KIF6: variants seen among roughly 807,000 people sequenced by gnomAD.
KIF6 encodes kinesin family member 6, also known as kinesin-like protein KIF6.
A neutral mutation model predicts 112.7 loss-of-function variants in KIF6; 106 were observed. That is an observed-to-expected ratio of 0.94 (90% CI 0.80 to 1.11). KIF6 has a LOEUF of 1.11. Ranked by LOEUF, KIF6 falls within the 50% of genes least tolerant of loss-of-function variation. The pLI, the probability that KIF6 is intolerant of heterozygous loss-of-function variation, is 0.00. For synonymous variants in KIF6, 339 were observed against 339.9 expected, an observed-to-expected ratio of 1.00 and a Z score of 0.03; for missense variants, 929 against 964.0, an observed-to-expected ratio of 0.96 and a Z score of 0.48.
intron 13 of KIF6, among the ~76,000 whole-genome samples, chr6:39,464,724 G>A (rs1007472816): frequency 2.0e-5 from 3 of 152,212 alleles, no homozygotes; most frequent in East Asian, 1.9e-4. Context: ...CAGGATTCAC[G>A]CTAACAAGAC....
At chr6:39,587,813 C>G (rs536632354) in intron 7 of KIF6, among the ~76,000 whole-genome samples, 5 of 152,284 alleles carry the variant, frequency 3.3e-5, no homozygotes, top group African/African-American at 1.2e-4. Flanking sequence ...ACAATTACCT[C>G]CTCTCTCTTC....
intron 22 of KIF6, among the ~76,000 whole-genome samples, chr6:39,337,183 C>CTTTCTTTCTTTCTTTCTTTCTTTCTT (rs1763030728): frequency 1.3e-5 from 1 of 79,744 alleles, no homozygotes; most frequent in Admixed American, 1.3e-4. Flanking sequence ...TTCTTTCTTT[C>CTTTCTTTCTTTCTTTCTTTCTTTCTT]TTTCTTTCTT....
chr6:39,540,080 C>G lies in KIF6; in HGVS notation c.1568G>C (p.Arg523Pro), dbSNP rs543753882. The G allele has an allele frequency of 3.7e-6, 6 of 1,614,138 alleles. No individual in the cohort carries two copies. In the East Asian group the frequency reaches 1.3e-4, roughly 36 times the overall value. Residue 523 changes from arginine (R) to proline (P), a missense_variant, in exon 13 of 23, where the codon CGA (arginine) becomes CCA (proline). Arg to Pro is a moderately radical substitution (Grantham distance 103). Around this residue, in one of 2 missense-constraint regions of KIF6, gnomAD observed 688 missense variants for 662.7 expected, o/e 1.04. Coordinates refer to ENST00000287152, the MANE Select transcript of KIF6 (RefSeq NM_145027.6). ...LGNPEEGQRM[R>P]LSSAPSQAQD... ...GGCCTGTGAGGGAGCTGAGGATAGT[C>G]GCATTCTTTGACCTTCTTCTGGGTT... is the stretch of plus-strand genomic sequence containing the variant.
At position 39,545,567 on chromosome 6, in the gene KIF6, A is replaced by G. The variant is rs3736735; in HGVS notation, c.1287+16T>C. ...TGGCTGAAAATGGCTTCTATTGGGGAAACATTTAAGTTTACCTTTAAATGA... is the reference window on the plus strand; with the variant it reads ...TGGCTGAAAATGGCTTCTATTGGGGGAACATTTAAGTTTACCTTTAAATGA... On this transcript the variant is annotated intron_variant, in intron 11 of 22. Transcript: ENST00000287152. The G allele has an allele frequency of 6.3e-7, 1 of 1,584,524 alleles. No homozygotes were observed. The highest frequency in any genetic ancestry group is 1.1e-5 in the South Asian group (1 of 89,278).
intron 3 of KIF6, among the ~76,000 whole-genome samples, chr6:39,679,896 C>T (rs987400745): frequency 6.6e-6 from 1 of 151,006 alleles, no homozygotes; most frequent in Admixed American, 6.6e-5. Context: ...GGATTACAGG[C>T]GTGAGCCACC....
At chr6:39,709,738 G>T (rs1789429106) in intron 3 of KIF6, among the ~76,000 whole-genome samples, 1 of 152,178 alleles carries the variant, frequency 6.6e-6, no homozygotes. Flanking sequence ...TAACCCAGTA[G>T]AATAACTTTA....
At chr6:39,614,805 T>C (rs891087887) in intron 5 of KIF6, among the ~76,000 whole-genome samples, 5 of 152,216 alleles carry the variant, frequency 3.3e-5, no homozygotes, top group Non-Finnish European at 7.3e-5. Flanking sequence ...ATGAGTTGTA[T>C]TCTATTTTTA....
chr6:39,690,868 T>G (rs1281611944), intron 3 of KIF6: 1 of 152,266 alleles, frequency 6.6e-6, no homozygotes, highest in East Asian at 1.9e-4. Context: ...CAGAAGAGTG[T>G]CCTCTGCGTA....
intron 13 of KIF6, among the ~76,000 whole-genome samples, chr6:39,535,658 A>T (rs1338337106): frequency 1.3e-5 from 2 of 152,206 alleles, no homozygotes; most frequent in Non-Finnish European, 2.9e-5. Flanking sequence ...GATCAACAAG[A>T]CAGAAAGTTA....
At chr6:39,559,192 G>A (rs554333068) in intron 10 of KIF6, among the ~76,000 whole-genome samples, 34 of 152,140 alleles carry the variant, frequency 2.2e-4, no homozygotes, top group Non-Finnish European at 4.1e-4. Flanking sequence ...CAAAGTTTAG[G>A]TTATTGCTTT....
chr6:39,450,284 T>G (rs757258650), intron 13 of KIF6, among the ~76,000 whole-genome samples: 3 of 152,210 alleles, frequency 2.0e-5, no homozygotes, highest in African/African-American at 4.8e-5. Flanking sequence ...ATGGATGGAT[T>G]ATGTTAGGCT....
chr6:39,592,091 G>T (rs976764099), intron 7 of KIF6, among the ~76,000 whole-genome samples: 4 of 152,062 alleles, frequency 2.6e-5, no homozygotes, highest in Non-Finnish European at 5.9e-5. Context: ...CAGCCTGGGC[G>T]ACAGAGTGAG....
In KIF6 at chr6:39,345,764, G is replaced by C. The variant is rs780453398; in HGVS notation, c.2257C>G (p.Pro753Ala). The C allele has an allele frequency of 9.3e-6, 15 of 1,613,826 alleles. No homozygotes were observed. In the South Asian group the frequency reaches 1.5e-4, roughly 17 times the overall value. The change falls in exon 21 of 23, where the codon CCC becomes GCC. Residue 753 changes from proline (P) to alanine (A), a missense_variant. This residue lies in a region of KIF6 where 241 missense variants were observed against 301.4 expected (regional missense o/e 0.80). Coordinates refer to ENST00000287152, the MANE Select transcript of KIF6 (RefSeq NM_145027.6). ...VCDVNARKIL[P>A]SPCPSPHSQK... ...CTGTGTGGACTGGGGCAAGGCGAGG[G>C]CAGGATTTTCCTGGCATTCACATCA...
intron 10 of KIF6, among the ~76,000 whole-genome samples, chr6:39,562,157 T>C (rs1780040725): frequency 6.6e-6 from 1 of 152,234 alleles, no homozygotes; most frequent in Non-Finnish European, 1.5e-5. Flanking sequence ...ATTACTGGCA[T>C]GAACTCATGA....
intron 4 of KIF6, among the ~76,000 whole-genome samples, chr6:39,635,245 G>A (rs1418200155): frequency 6.6e-6 from 1 of 151,760 alleles, no homozygotes; most frequent in Non-Finnish European, 1.5e-5. Flanking sequence ...AGCCAACTTG[G>A]TTGCAGAACT....
intron 6 of KIF6, among the ~76,000 whole-genome samples, chr6:39,599,767 T>C (rs566029203): frequency 1.3e-5 from 2 of 152,284 alleles, no homozygotes; most frequent in South Asian, 2.1e-4. Context: ...ACAAATAACA[T>C]GGAGACTTCT....
intron 14 of KIF6, among the ~76,000 whole-genome samples, chr6:39,430,075 T>C (rs1411131312): frequency 6.6e-6 from 1 of 152,188 alleles, no homozygotes; most frequent in Non-Finnish European, 1.5e-5. Context: ...CTGACACTAC[T>C]GACAGTCTGC....
intron 13 of KIF6, among the ~76,000 whole-genome samples, chr6:39,471,115 C>A (rs1279256356): frequency 1.3e-5 from 2 of 152,124 alleles, no homozygotes; most frequent in Non-Finnish European, 2.9e-5. Flanking sequence ...AAATGTGACA[C>A]CTCTCTGCTA....
Position 39,331,515 on chromosome 6 carries a change from G to A in KIF6, c.*5017C>T, listed in dbSNP as rs1232519823. ...TTGTCCTGCCTCAGCCTCCAGAGTA[G>A]CTGGGATTACAGGTGCGCACCACCA... On this transcript the variant is annotated 3_prime_UTR_variant, in exon 23 of 23. Coordinates refer to ENST00000287152, the MANE Select transcript of KIF6 (RefSeq NM_145027.6). 6.6e-6 allele frequency: 1 copy of A among 152,128 alleles called. No individual in the cohort carries two copies. Among genetic ancestry groups the A allele is most frequent in the Non-Finnish European group, 1.5e-5 (1 of 68,062 alleles). 9.4% of individuals were successfully genotyped at this position (152,128 alleles called of 1,614,324 possible).
Sources: gnomAD v4.1 joint callset for allele counts (sites outside exome capture counted in the v4.1 genomes callset) on GRCh38, gnomAD v4.1.1 for gene constraint, gnomAD v4.1.1 regional missense constraint, MANE v1.5 for transcripts, NCBI Gene and HGNC (gene_info 2026-07-23, HGNC 2026-07-21) for gene names.